GALNT16: variants seen among roughly 807,000 people sequenced by gnomAD.
GALNT16 encodes UDP-GalNAc:polypeptide N-acetylgalactosaminyltransferase-like protein 1.
In GALNT16, 40 loss-of-function variants were observed where a neutral mutation model predicts 76.1. That is an observed-to-expected ratio of 0.53 (90% CI 0.41 to 0.68). The LOEUF is 0.68. Among genes scored for constraint, GALNT16 ranks in the 30% least tolerant of loss-of-function variants. The probability of loss-of-function intolerance (pLI) is 0.00; values close to 1 mark genes in which losing one functional copy is unlikely to be tolerated. For missense variants in GALNT16, 621 were observed against 731.9 expected (o/e 0.85, Z 1.75); for synonymous variants, 276 against 285.2 (o/e 0.97, Z 0.32).
chr14:69,343,533 T>A (rs2045522139), intron 12 of GALNT16, among the ~76,000 whole-genome samples: 2 of 152,264 alleles, frequency 1.3e-5, no homozygotes, highest in African/African-American at 2.4e-5. Flanking sequence ...CTAGCTGTGA[T>A]GGGAAGAACA....
intron 1 of GALNT16, among the ~76,000 whole-genome samples, chr14:69,280,549 G>T (rs1050772600): frequency 2.0e-5 from 3 of 152,060 alleles, no homozygotes; most frequent in Admixed American, 2.0e-4. Context: ...TGTTCTTTGG[G>T]GTATATATGC....
At chr14:69,325,876 G>GTA in intron 4 of GALNT16, 86 bp from the exon 5 acceptor site, 1 of 1,044,526 alleles carries the variant, frequency 9.6e-7, no homozygotes, top group Non-Finnish European at 1.5e-6. Context: ...CCTGGGCTTA[G>GTA]TATGGGGCAA....
intron 4 of GALNT16, 132 bp from the exon 5 acceptor site, chr14:69,325,830 A>G: frequency 1.4e-6 from 1 of 718,280 alleles, no homozygotes; most frequent in Non-Finnish European, 2.5e-6. Context: ...AGTAGTGATG[A>G]CCATACCTCT....
At chr14:69,378,034 A>T in the GALNT16 span, among the ~76,000 whole-genome samples, 1 of 152,134 alleles carries the variant, frequency 6.6e-6, no homozygotes, top group East Asian at 1.9e-4. Flanking sequence ...TGCTTTTAGG[A>T]CAGTACAAAA....
At chr14:69,359,795 C>T (rs2045713043), downstream of GALNT16, among the ~76,000 whole-genome samples, 2 of 151,298 alleles carry the variant, frequency 1.3e-5, no homozygotes, top group African/African-American at 2.4e-5. Context: ...TGGGAGGCCG[C>T]GGTGGGCAAT....
chr14:69,368,611 G>C, the GALNT16 span, among the ~76,000 whole-genome samples: 1 of 152,244 alleles, frequency 6.6e-6, no homozygotes, highest in East Asian at 1.9e-4. Context: ...TATTTTAGGA[G>C]AGTCATTCAT....
At chr14:69,341,944 A>C (rs1404731700) in intron 12 of GALNT16, among the ~76,000 whole-genome samples, 180 bp downstream of exon 12, 2 of 152,128 alleles carry the variant, frequency 1.3e-5, no homozygotes, top group African/African-American at 4.8e-5. Flanking sequence ...TAGGGGTTAT[A>C]AATTAGGTGT....
intron 10 of GALNT16, 38 bp from the exon 11 acceptor site, chr14:69,339,489 C>T (rs1200948104): frequency 1.6e-6 from 2 of 1,240,646 alleles, no homozygotes; most frequent in Non-Finnish European, 1.2e-6. Context: ...CCTGTTGCTT[C>T]CCTGGTGACC....
At chr14:69,286,613 C>T (rs2044616091) in intron 1 of GALNT16, among the ~76,000 whole-genome samples, 1 of 152,112 alleles carries the variant, frequency 6.6e-6, no homozygotes, top group Non-Finnish European at 1.5e-5. Flanking sequence ...CAAAGGCACT[C>T]TTATTTGTGC....
At chr14:69,351,721 T>C (rs370046026) in intron 14 of GALNT16, 2 of 236,212 alleles carry the variant, frequency 8.5e-6, no homozygotes, top group Non-Finnish European at 1.7e-5. Flanking sequence ...TAGACCAGCC[T>C]GGGCAACATA....
At chr14:69,373,806 C>CAA in the GALNT16 span, among the ~76,000 whole-genome samples, 6 of 151,814 alleles carry the variant, frequency 4.0e-5, no homozygotes, top group East Asian at 1.9e-4. Context: ...CACAGGGTCT[C>CAA]AATCTGTTGC....
chr14:69,304,011 G>A lies in GALNT16; in HGVS notation c.178-16700G>A, dbSNP rs561790320. Among the ~76,000 whole-genome samples the A allele has an allele frequency of 4.6e-5, 7 of 152,098 alleles. No homozygotes were observed. In the East Asian group the frequency reaches 1.4e-3, roughly 29 times the overall value. ...TGATTTCTGCGTCATTTTTATAATT[G>A]CAATGTGTTCTATTTAAGGAGTCTT... On this transcript the variant is annotated intron_variant, in intron 1 of 14. Coordinates refer to ENST00000448469, the MANE Select transcript of GALNT16 (RefSeq NM_001168368.2).
chr14:69,360,611 AAAAG>A (rs147865291), downstream of GALNT16, among the ~76,000 whole-genome samples: 18,974 of 151,596 alleles, frequency 0.13, 1,323 homozygotes, highest in East Asian at 0.18. Flanking sequence ...GTCTAAAAAA[AAAAG>A]AAGAAGAAGA....
intron 1 of GALNT16, among the ~76,000 whole-genome samples, chr14:69,269,810 T>TGTGTGTGTGTGTGTGTGTG (rs556443351): frequency 6.9e-6 from 1 of 144,488 alleles, no homozygotes; most frequent in African/African-American, 2.8e-5. Flanking sequence ...ATTTGTGTGT[T>TGTGTGTGTGTGTGTGTGTG]TGTGTGTGTG....
chr14:69,383,886 G>A, the GALNT16 span, among the ~76,000 whole-genome samples: 1 of 152,138 alleles, frequency 6.6e-6, no homozygotes, highest in Non-Finnish European at 1.5e-5. Flanking sequence ...AGTTGCTCAT[G>A]CCTGTAATAT....
At chr14:69,329,991 T>C (rs1228114883) in intron 6 of GALNT16, among the ~76,000 whole-genome samples, 1 of 152,120 alleles carries the variant, frequency 6.6e-6, no homozygotes, top group Non-Finnish European at 1.5e-5. Flanking sequence ...CTGGCAGGAA[T>C]GTAAAGTAGG....
chr14:69,375,774 C>T, the GALNT16 span, among the ~76,000 whole-genome samples: 3 of 152,198 alleles, frequency 2.0e-5, no homozygotes, highest in Non-Finnish European at 2.9e-5. Flanking sequence ...GTTAGGACTA[C>T]AGGCACATGC....
At chr14:69,347,009 G>C in intron 12 of GALNT16, 31 bp from the exon 13 acceptor site, 1 of 1,613,792 alleles carries the variant, frequency 6.2e-7, no homozygotes, top group Non-Finnish European at 8.5e-7. Context: ...GGGGGGGAAA[G>C]CACAAGCCTG....
intron 9 of GALNT16, among the ~76,000 whole-genome samples, chr14:69,336,328 T>G (rs944175472): frequency 3.9e-5 from 6 of 152,202 alleles, no homozygotes; most frequent in African/African-American, 1.2e-4. Context: ...CAGGATGGTC[T>G]CGAACTCCTG....
Sources: allele counts gnomAD v4.1 joint callset (sites outside exome capture counted in the v4.1 genomes callset), GRCh38; gene constraint gnomAD v4.1.1; transcripts MANE v1.5; gene names NCBI Gene and HGNC (gene_info 2026-07-23, HGNC 2026-07-21).